PHRF1: variants seen among roughly 807,000 people sequenced by gnomAD.
PHRF1 encodes the protein PHD and ring finger domains 1, also known as PHD and RING finger domain-containing protein 1.
PHRF1 carries 53 observed loss-of-function variants against 128.9 expected under a neutral mutation model. The observed-to-expected ratio is 0.41, with a 90% CI of 0.33 to 0.52. The LOEUF (loss-of-function observed/expected upper bound fraction) is 0.52. PHRF1 is among the 20% of genes least tolerant of loss of function. The probability of loss-of-function intolerance (pLI) is 0.21; values close to 1 mark genes in which losing one functional copy is unlikely to be tolerated. For missense variants in PHRF1, 2,503 were observed against 2,284.5 expected (o/e 1.10, Z -1.95); for synonymous variants, 1,178 against 980.6 (o/e 1.20, Z -3.76).
In PHRF1 at chr11:609,324, CCTT is replaced by C; in HGVS notation, c.3871_3873del (p.Ser1291del). 1.9e-6 allele frequency: 3 copies of C among 1,612,560 alleles called. No homozygotes were observed. The highest frequency in any genetic ancestry group is 1.1e-5 in the South Asian group (1 of 91,086). On this transcript the variant is annotated inframe_deletion, in exon 14 of 18. Coordinates refer to ENST00000264555, the MANE Select transcript of PHRF1 (RefSeq NM_001286581.2). Reference sequence around the variant, plus strand: ...CCAGCTCGATGACATGAGCTCGCCACCTTCTCCCGAAAGCACAGACTCTTCCCC... The same window carrying C: ...CCAGCTCGATGACATGAGCTCGCCACCTCCCGAAAGCACAGACTCTTCCCC...
chr11:611,705 G>A lies in PHRF1; in HGVS notation c.4878G>A (p.Lys1626=), dbSNP rs540951326. The change falls in exon 18 of 18, where the codon AAG becomes AAA. Residue 1626 remains lysine (K), a synonymous_variant. Coordinates refer to ENST00000264555, the MANE Select transcript of PHRF1 (RefSeq NM_001286581.2). ...VANLVKAYVD[K]YRHMRRHKKP... ...ACCTGGTGAAGGCGTACGTGGACAA[G>A]TACAGGCACATGCGCAGGCACAAGA... 51 of 1,613,088 alleles carry A rather than the reference G, an allele frequency of 3.2e-5. No individual in the cohort carries two copies. In the South Asian group the frequency reaches 4.5e-4, roughly 14 times the overall value.
chr11:605,486 A>G, intron 11 of PHRF1, 119 bp from the exon 12 acceptor site: 1 of 1,512,274 alleles, frequency 6.6e-7, no homozygotes, highest in Non-Finnish European at 8.9e-7. Flanking sequence ...CGGGGCCCGA[A>G]TCACACGTGC....
chr11:610,867 C>T, intron 16 of PHRF1, 87 bp from the exon 17 acceptor site: 1 of 1,586,474 alleles, frequency 6.3e-7, no homozygotes, highest in Non-Finnish European at 8.6e-7. Context: ...GCCTCTGGAA[C>T]TGCAAGGGTG....
At chr11:581,875 A>G in intron 2 of PHRF1, 87 bp from the exon 3 acceptor site, 1 of 1,457,258 alleles carries the variant, frequency 6.9e-7, no homozygotes, top group African/African-American at 1.4e-5. Flanking sequence ...GGTGCTCCTG[A>G]CGCCTCTATG....
At chr11:583,243 G>A (rs1404160454) in intron 3 of PHRF1, among the ~76,000 whole-genome samples, 1 of 152,024 alleles carries the variant, frequency 6.6e-6, no homozygotes, top group African/African-American at 2.4e-5. Flanking sequence ...GGAGGCTGAG[G>A]CAGGAGAATT....
At chr11:588,511 C>T (rs1006002967) in intron 4 of PHRF1, among the ~76,000 whole-genome samples, 1 of 152,006 alleles carries the variant, frequency 6.6e-6, no homozygotes, top group Non-Finnish European at 1.5e-5. Context: ...TCCCGCGTAG[C>T]TGGAACTGTA....
intron 9 of PHRF1, 99 bp from the exon 10 acceptor site, chr11:601,475 T>A: frequency 6.5e-7 from 1 of 1,529,646 alleles, no homozygotes; most frequent in Non-Finnish European, 8.8e-7. Flanking sequence ...GGTCCCGCTG[T>A]ACCGGCTCCT....
rs773783774 is a variant in PHRF1 at position 596,972 on chromosome 11, G to A, written c.670G>A (p.Glu224Lys). 1.5e-5 allele frequency: 24 copies of A among 1,613,756 alleles called. No homozygotes were observed. The highest frequency in any genetic ancestry group is 5.0e-5 in the Admixed American group (3 of 59,992). Residue 224 changes from glutamate (E) to lysine (K), a missense_variant, in exon 7 of 18, where the codon GAG (glutamate) becomes AAG (lysine). Glu to Lys is a moderately conservative substitution (Grantham distance 56, BLOSUM62 1). Transcript: ENST00000264555. ...DPPLQEVPVDEWFCPECAAPG... is the reference protein window; with the variant it reads ...DPPLQEVPVDKWFCPECAAPG... ...CCCTCTCCAGGAGGTGCCGGTGGACGAGTGGTTCTGCCCGGAATGTGCTGC... is the reference window on the plus strand; with the variant it reads ...CCCTCTCCAGGAGGTGCCGGTGGACAAGTGGTTCTGCCCGGAATGTGCTGC...
chr11:609,353 G>T lies in PHRF1; in HGVS notation c.3897G>T (p.Pro1299=), dbSNP rs11539530. 6.2e-7 allele frequency: 1 copy of T among 1,612,100 alleles called. No individual in the cohort carries two copies. The highest frequency in any genetic ancestry group is 1.7e-5 in the Admixed American group (1 of 59,984). ...PPSPESTDSS[P]ERDFPLKPAL... is the part of the protein sequence containing the mutation. ...CTCCCGAAAGCACAGACTCTTCCCC[G>T]GAGCGAGACTTCCCACTGAAGCCTG... Residue 1299 remains proline, a synonymous_variant, in exon 14 of 18, where the codon CCG becomes CCT. Coordinates refer to ENST00000264555, the MANE Select transcript of PHRF1 (RefSeq NM_001286581.2).
In PHRF1 at chr11:611,770, A is replaced by T; in HGVS notation, c.4943A>T (p.Glu1648Val). ...AGEEPPTQGA[E>V]G ...GAGGAGCCGCCCACGCAGGGGGCCG[A>T]GGGCTGAGGCCAGGCAATCACGGGC... is the stretch of plus-strand genomic sequence containing the variant. Residue 1648 changes from glutamate (E) to valine (V), a missense_variant, in exon 18 of 18, where the codon GAG becomes GTG. Glu to Val is a moderately radical substitution (Grantham distance 121, BLOSUM62 -2). Coordinates refer to ENST00000264555, the MANE Select transcript of PHRF1 (RefSeq NM_001286581.2). 1.9e-6 allele frequency: 3 copies of T among 1,603,472 alleles called. No individual in the cohort carries two copies. Among genetic ancestry groups the T allele is most frequent in the Non-Finnish European group, 2.6e-6 (3 of 1,175,760 alleles).
At position 609,487 on chromosome 11, in the gene PHRF1, C is replaced by T. The variant is rs1389783459; in HGVS notation, c.4031C>T (p.Pro1344Leu). ...PPPLPEGTQE[P>L]HLLRPDAAEK... Reference sequence around the variant, plus strand: ...CCCCTGCCAGAGGGCACCCAGGAGCCACATTTGCTCAGGCCGGACGCGGCT... The same window carrying T: ...CCCCTGCCAGAGGGCACCCAGGAGCTACATTTGCTCAGGCCGGACGCGGCT... Residue 1344 changes from proline (P) to leucine (L), a missense_variant, in exon 14 of 18, where the codon CCA (proline) becomes CTA (leucine). Transcript: ENST00000264555. 1 of 1,605,116 alleles carries T rather than the reference C, an allele frequency of 6.2e-7. No homozygotes were observed. The highest frequency in any genetic ancestry group is 8.5e-7 in the Non-Finnish European group (1 of 1,179,250).
intron 3 of PHRF1, among the ~76,000 whole-genome samples, chr11:582,626 A>G (rs1468624250): frequency 1.3e-5 from 2 of 150,912 alleles, no homozygotes; most frequent in Non-Finnish European, 3.0e-5. Context: ...CTGGGTTCAC[A>G]CCATTCTCCT....
At chr11:604,936 G>A (rs372193461) in intron 10 of PHRF1, among the ~76,000 whole-genome samples, 183 bp from the exon 11 acceptor site, 1 of 152,234 alleles carries the variant, frequency 6.6e-6, no homozygotes, top group Non-Finnish European at 1.5e-5. Context: ...CTTCACGGCC[G>A]ATGTGTGCGG....
intron 9 of PHRF1, among the ~76,000 whole-genome samples, chr11:601,166 C>T (rs1589888595): frequency 6.6e-6 from 1 of 151,820 alleles, no homozygotes; most frequent in East Asian, 1.9e-4. Flanking sequence ...AAAATTTGGG[C>T]AGGCGTGGTG....
At position 607,088 on chromosome 11, in the gene PHRF1, C is replaced by G. The variant is rs750147342; in HGVS notation, c.1632C>G (p.Asn544Lys). Residue 544 changes from asparagine (N) to lysine (K), a missense_variant, in exon 14 of 18, where the codon AAC becomes AAG. Coordinates refer to ENST00000264555, the MANE Select transcript of PHRF1 (RefSeq NM_001286581.2). ...TAGCTCCAGTTTCTTTTCAGCGAAA[C>G]TCAGGCAGTCTGTCCAGAGGGGAAG... The part of the protein sequence containing the change: ...KRAAPVSFQR[N>K]SGSLSRGEEG... The G allele has an allele frequency of 6.4e-6, 10 of 1,557,668 alleles. No homozygotes were observed. In the African/African-American group the frequency reaches 1.4e-4, roughly 22 times the overall value.
intron 12 of PHRF1, among the ~76,000 whole-genome samples, 178 bp from the exon 13 acceptor site, chr11:606,264 C>G (rs933627105): frequency 6.6e-6 from 1 of 151,860 alleles, no homozygotes; most frequent in Non-Finnish European, 1.5e-5. Context: ...CTCCCTCCCT[C>G]TGGGAGGCCC....
chr11:610,417 T>G, intron 15 of PHRF1, 70 bp downstream of exon 15: 2 of 1,540,492 alleles, frequency 1.3e-6, no homozygotes, highest in Admixed American at 1.9e-5. Context: ...CACACCACAC[T>G]AGGCTGGGGC....
Position 597,712 on chromosome 11 carries a change from G to T in PHRF1, c.894+142G>T. On this transcript the variant is annotated intron_variant, in intron 8 of 17. Coordinates refer to ENST00000264555, the MANE Select transcript of PHRF1 (RefSeq NM_001286581.2). The surrounding 1 kb of genome is among the most constrained non-coding windows in gnomAD (Gnocchi z 6.5). ...GCTCATGTTGTTCGGCCTGCTGAGG[G>T]GAGCAGATGAGTGCACCCCAGGGTG... The T allele has an allele frequency of 2.5e-6, 3 of 1,176,750 alleles. No homozygotes were observed. Among genetic ancestry groups the T allele is most frequent in the Middle Eastern group, 5.8e-4 (2 of 3,458 alleles). The allele number at this position is 1,176,750 out of a possible 1,614,324, so 72.9% of individuals were successfully genotyped here. A position where few individuals can be genotyped will look rare whatever the true frequency, so the allele number is the denominator to read the frequency against.
Position 580,814 on chromosome 11 carries a change from G to C in PHRF1, c.-21-678G>C, listed in dbSNP as rs548768247. Among the ~76,000 whole-genome samples, 20 of 152,242 alleles carry C rather than the reference G, an allele frequency of 1.3e-4. No individual in the cohort carries two copies. In the East Asian group the frequency reaches 3.9e-3, roughly 29 times the overall value. ...AGCGATTCTCCTGCCTCAGCTTCCC[G>C]AGTAGCTGGGATTACAGGCGCCCGC... On this transcript the variant is annotated intron_variant, in intron 1 of 17. Coordinates refer to ENST00000264555, the MANE Select transcript of PHRF1 (RefSeq NM_001286581.2).
Sources: gnomAD v4.1 joint callset for allele counts (sites outside exome capture counted in the v4.1 genomes callset) on GRCh38, gnomAD v4.1.1 for gene constraint, Gnocchi (gnomAD v3.1) non-coding constraint, MANE v1.5 for transcripts, NCBI Gene and HGNC (gene_info 2026-07-23, HGNC 2026-07-21) for gene names.